The following PRKD1 variants were observed in gnomAD, a reference collection of about 807,000 sequenced individuals.
The protein encoded by PRKD1 is serine/threonine-protein kinase D1.
In PRKD1, 63 loss-of-function variants were observed where a neutral mutation model predicts 95.9. That is an observed-to-expected ratio of 0.66 (90% confidence interval 0.54 to 0.81). The LOEUF is 0.81. Among genes scored for constraint, PRKD1 ranks in the 30% least tolerant of loss-of-function variants. The pLI, the probability that PRKD1 is intolerant of heterozygous loss-of-function variation, is 0.00. For synonymous variants in PRKD1, 425 were observed against 423.1 expected, an observed-to-expected ratio of 1.00 and a Z score of -0.05; for missense variants, 1,048 against 1,165.3, an observed-to-expected ratio of 0.90 and a Z score of 1.47.
intron 2 of PRKD1, among the ~76,000 whole-genome samples, chr14:29,721,161 T>G (rs1353035505): frequency 6.6e-6 from 1 of 152,214 alleles, no homozygotes; most frequent in Non-Finnish European, 1.5e-5. Context: ...ACGCCTCTTC[T>G]GCCTGGACTA....
At chr14:29,653,683 G>A (rs1403742844) in intron 4 of PRKD1, among the ~76,000 whole-genome samples, 3 of 151,962 alleles carry the variant, frequency 2.0e-5, no homozygotes, top group African/African-American at 7.3e-5. Context: ...TCTCTATACA[G>A]TAAGAGAATG....
intron 1 of PRKD1, among the ~76,000 whole-genome samples, chr14:29,745,958 G>A (rs1161399699): frequency 2.6e-5 from 4 of 152,084 alleles, no homozygotes; most frequent in African/African-American, 9.7e-5. Context: ...TCAATGACCT[G>A]TATTTACTGG....
intron 3 of PRKD1, among the ~76,000 whole-genome samples, chr14:29,665,487 C>CT (rs45512891): frequency 0.024 from 3,652 of 152,222 alleles, 135 homozygotes; most frequent in African/African-American, 0.078. Flanking sequence ...TGGTATTTGG[C>CT]TTTTGTTCCT....
At chr14:29,907,549 A>T (rs912194854) in intron 1 of PRKD1, among the ~76,000 whole-genome samples, 1 of 152,188 alleles carries the variant, frequency 6.6e-6, no homozygotes, top group African/African-American at 2.4e-5. Flanking sequence ...CGTGTGATTG[A>T]CCCAATCTTA....
intron 1 of PRKD1, among the ~76,000 whole-genome samples, chr14:29,925,792 A>C (rs902236305): frequency 3.3e-5 from 5 of 152,208 alleles, no homozygotes; most frequent in African/African-American, 1.2e-4. Context: ...GCTTTTTGAG[A>C]AATTTTGTTT....
chr14:29,830,923 G>A (rs1218235639), intron 1 of PRKD1, among the ~76,000 whole-genome samples: 2 of 152,128 alleles, frequency 1.3e-5, no homozygotes, highest in Non-Finnish European at 2.9e-5. Flanking sequence ...GGGCTAGAGG[G>A]ATCTGCCTGC....
At chr14:29,700,090 CT>C (rs35039906) in intron 2 of PRKD1, among the ~76,000 whole-genome samples, 65,977 of 148,120 alleles carry the variant, frequency 0.45, 15,050 homozygotes, top group African/African-American at 0.57. Flanking sequence ...CTTATCCCTT[CT>C]TTTTTTTTTT....
chr14:29,725,550 T>G lies in PRKD1; in HGVS notation c.389A>C (p.Glu130Ala). 1 of 1,613,650 alleles carries G rather than the reference T, an allele frequency of 6.2e-7. No homozygotes were observed. The highest frequency in any genetic ancestry group is 8.5e-7 in the Non-Finnish European group (1 of 1,179,676). ...ASDIQEGDLI[E>A]VVLSASATFE... is the part of the protein sequence containing the mutation. ...AAGTATACTACCTGACAAGACCACT[T>G]CAATAAGATCGCCTTCCTGGATATC... The change falls in exon 2 of 18, where the codon GAA (glutamate) becomes GCA (alanine). Residue 130 changes from glutamate to alanine, a missense_variant. Around this residue, in one of 3 missense-constraint regions of PRKD1, gnomAD observed 275 missense variants for 248.6 expected, o/e 1.11. Transcript: ENST00000331968.
intron 13 of PRKD1, among the ~76,000 whole-genome samples, chr14:29,618,589 T>C (rs1879030350): frequency 1.3e-5 from 2 of 152,166 alleles, no homozygotes; most frequent in Non-Finnish European, 2.9e-5. Context: ...GTCTGAAACA[T>C]AATAATAGTG....
chr14:29,636,449 C>G lies in PRKD1; in HGVS notation c.1031G>C (p.Gly344Ala). 6.2e-7 allele frequency: 1 copy of G among 1,614,114 alleles called. No homozygotes were observed. Among genetic ancestry groups the G allele is most frequent in the Non-Finnish European group, 8.5e-7 (1 of 1,180,030 alleles). The stretch of plus-strand genomic sequence containing the variant: ...CCTTTCACTATCATTGTCATCACTC[C>G]CTTCTTCCATGACCACATCAGACTC... ...GAESDVVMEE[G>A]SDDNDSERNS... Residue 344 changes from glycine to alanine, a missense_variant, in exon 7 of 18, where the codon GGG becomes GCG. Coordinates refer to ENST00000331968, the MANE Select transcript of PRKD1 (RefSeq NM_002742.3).
chr14:29,743,458 C>G (rs529219933), intron 1 of PRKD1, among the ~76,000 whole-genome samples: 25 of 151,992 alleles, frequency 1.6e-4, no homozygotes, highest in African/African-American at 5.3e-4. Flanking sequence ...ACACAGAGAA[C>G]CAAGCAGAGA....
chr14:29,927,752 C>T lies in PRKD1; in HGVS notation c.-240G>A. 1 of 186,230 alleles carries T rather than the reference C, an allele frequency of 5.4e-6. No individual in the cohort carries two copies. Among genetic ancestry groups the T allele is most frequent in the Non-Finnish European group, 1.1e-5 (1 of 92,294 alleles). 11.5% of individuals were successfully genotyped at this position (186,230 alleles called of 1,614,324 possible). A position where few individuals can be genotyped will look rare whatever the true frequency, so the allele number is the denominator to read the frequency against. ...GGCCGAGGCGGGAGGACTCTGAGGC[C>T]CGGAACGCGGCAGCCGGCTCGGGGC... On this transcript the variant is annotated 5_prime_UTR_variant, in exon 1 of 18. Coordinates refer to ENST00000331968, the MANE Select transcript of PRKD1 (RefSeq NM_002742.3).
intron 13 of PRKD1, among the ~76,000 whole-genome samples, chr14:29,602,890 T>G (rs1108731): frequency 0.43 from 65,417 of 152,002 alleles, 14,610 homozygotes; most frequent in African/African-American, 0.54. Context: ...CAAAAGTAAG[T>G]GACAGATTAA....
chr14:29,594,972 A>C (rs527684323), intron 16 of PRKD1, among the ~76,000 whole-genome samples: 2 of 150,756 alleles, frequency 1.3e-5, no homozygotes, highest in African/African-American at 2.5e-5. Flanking sequence ...AGTTCTGTTC[A>C]TACATCAGCA....
intron 15 of PRKD1, among the ~76,000 whole-genome samples, chr14:29,598,590 C>T (rs1465816357): frequency 6.6e-6 from 1 of 152,144 alleles, no homozygotes; most frequent in Admixed American, 6.6e-5. Flanking sequence ...GTTAGGGAAG[C>T]AAGGCAGGAC....
intron 2 of PRKD1, among the ~76,000 whole-genome samples, chr14:29,716,132 G>C (rs541745843): frequency 6.6e-6 from 1 of 152,078 alleles, no homozygotes. Flanking sequence ...CATTGCCCTC[G>C]TGTTCTTTTC....
intron 1 of PRKD1, among the ~76,000 whole-genome samples, chr14:29,825,277 G>A (rs1463037760): frequency 6.6e-6 from 1 of 152,088 alleles, no homozygotes; most frequent in African/African-American, 2.4e-5. Flanking sequence ...TTTACAATAT[G>A]ATAGAGGTAT....
chr14:29,660,757 T>C (rs1158380851), intron 4 of PRKD1, among the ~76,000 whole-genome samples: 2 of 152,134 alleles, frequency 1.3e-5, no homozygotes, highest in East Asian at 1.9e-4. Flanking sequence ...ACAGAAATAA[T>C]AGACTCATTT....
chr14:29,626,394 C>G lies in PRKD1; in HGVS notation c.1798+90G>C, dbSNP rs959020790. The G allele has an allele frequency of 1.0e-5, 11 of 1,052,934 alleles. No individual in the cohort carries two copies. The East Asian group carries it at 3.0e-4, about 28-fold the overall frequency. The allele number at this position is 1,052,934 out of a possible 1,614,324, so 65.2% of individuals were successfully genotyped here. A position where few individuals can be genotyped will look rare whatever the true frequency, so the allele number is the denominator to read the frequency against. ...ACAGAAATATATACACATAGGTCTT[C>G]TCTTCTATGTTTTTCCTGTAAATAT... On this transcript the variant is annotated intron_variant, in intron 12 of 17. Transcript: ENST00000331968.
Sources: gnomAD v4.1 joint callset for allele counts (sites outside exome capture counted in the v4.1 genomes callset) on GRCh38, gnomAD v4.1.1 for gene constraint, gnomAD v4.1.1 regional missense constraint, MANE v1.5 for transcripts, NCBI Gene and HGNC (gene_info 2026-07-23, HGNC 2026-07-21) for gene names.